Variants in NFATC3 observed in about 807,000 individuals in gnomAD.
NFATC3 encodes the protein nuclear factor of activated T-cells, cytoplasmic 3.
A neutral mutation model predicts 98.6 loss-of-function variants in NFATC3; 46 were observed. The observed-to-expected ratio is 0.47, with a 90% CI of 0.37 to 0.60. The LOEUF is 0.60. NFATC3 is among the 20% of genes least tolerant of loss of function. The probability of loss-of-function intolerance (pLI) is 0.00; values close to 1 mark genes in which losing one functional copy is unlikely to be tolerated. For synonymous variants in NFATC3, 512 were observed against 472.2 expected (o/e 1.08, Z -1.09); for missense variants, 1,256 against 1,295.5 (o/e 0.97, Z 0.47).
At position 68,194,048 on chromosome 16, in the gene NFATC3, C is replaced by T. The variant is rs187276159; in HGVS notation, c.3106+2273C>T. Among the ~76,000 whole-genome samples, 661 of 152,220 alleles carry T rather than the reference C, an allele frequency of 4.3e-3. 6 individuals are homozygous for T. Among genetic ancestry groups the T allele is most frequent in the African/African-American group, 0.015 (606 of 41,524 alleles). ...TAAACTAGAGCAACACCTAAAATTG[C>T]ATAGCATTTTTCTATTTATTATCTA... On this transcript the variant is annotated intron_variant, in intron 9 of 9. Coordinates refer to ENST00000346183, the MANE Select transcript of NFATC3 (RefSeq NM_173165.3).
chr16:68,100,759 T>C (rs2035300130), intron 1 of NFATC3, among the ~76,000 whole-genome samples: 1 of 152,078 alleles, frequency 6.6e-6, no homozygotes, highest in African/African-American at 2.4e-5. Flanking sequence ...TATATTCTTC[T>C]CATGACTAAT....
chr16:68,180,751 G>A (rs373167337), intron 6 of NFATC3, among the ~76,000 whole-genome samples: 2 of 152,080 alleles, frequency 1.3e-5, no homozygotes, highest in Non-Finnish European at 2.9e-5. Context: ...GAGAACATGC[G>A]GTGTTTGGTT....
chr16:68,176,959 G>A (rs1567534865), intron 6 of NFATC3, among the ~76,000 whole-genome samples: 1 of 151,092 alleles, frequency 6.6e-6, no homozygotes, highest in Non-Finnish European at 1.5e-5. Context: ...ATTTGTGGTT[G>A]TAGGACTAGT....
At chr16:68,129,626 C>A (rs1352075525) in intron 3 of NFATC3, among the ~76,000 whole-genome samples, 1 of 150,032 alleles carries the variant, frequency 6.7e-6, no homozygotes, top group Non-Finnish European at 1.5e-5. Context: ...TGTTCTTGAA[C>A]CCTTGGCCTC....
intron 9 of NFATC3, among the ~76,000 whole-genome samples, chr16:68,213,949 T>C (rs374790762): frequency 3.9e-5 from 6 of 152,362 alleles, no homozygotes; most frequent in East Asian, 1.9e-4. Flanking sequence ...TTCAGGAGTT[T>C]ATATTTTTAT....
intron 1 of NFATC3, 73 bp downstream of exon 1, chr16:68,085,857 T>G: frequency 9.0e-6 from 10 of 1,116,248 alleles, no homozygotes; most frequent in Non-Finnish European, 1.2e-5. Flanking sequence ...TCCCTCCCTG[T>G]TCCCTTGGAT....
chr16:68,172,191 G>A (rs552811818), intron 5 of NFATC3, among the ~76,000 whole-genome samples: 13 of 152,230 alleles, frequency 8.5e-5, no homozygotes, highest in South Asian at 8.3e-4. Context: ...TCGGGCTGGC[G>A]TCCCAATTTA....
chr16:68,162,066 T>G (rs559956189), intron 4 of NFATC3, among the ~76,000 whole-genome samples: 1 of 152,320 alleles, frequency 6.6e-6, no homozygotes, highest in African/African-American at 2.4e-5. Context: ...CCACTATGAC[T>G]AGTAACATAC....
At chr16:68,143,953 AACATAATACCAAAAGC>A (rs2037895604) in intron 3 of NFATC3, among the ~76,000 whole-genome samples, 1 of 152,210 alleles carries the variant, frequency 6.6e-6, no homozygotes, top group African/African-American at 2.4e-5. Flanking sequence ...AGATCTCTAG[AACATAATACCAAAAGC>A]ACCATACCTA....
intron 9 of NFATC3, among the ~76,000 whole-genome samples, chr16:68,205,643 T>C (rs1318924841): frequency 6.6e-6 from 1 of 152,200 alleles, no homozygotes; most frequent in Non-Finnish European, 1.5e-5. Context: ...CATTGTCCTC[T>C]GTAGGGAGAA....
At chr16:68,138,377 G>A (rs1219754496) in intron 3 of NFATC3, 1 of 617,254 alleles carries the variant, frequency 1.6e-6, no homozygotes, top group Admixed American at 3.7e-5. Context: ...TATTATTATA[G>A]TTCAAGCTCT....
chr16:68,087,830 A>G (rs1227152441), intron 1 of NFATC3, among the ~76,000 whole-genome samples: 1 of 152,234 alleles, frequency 6.6e-6, no homozygotes, highest in South Asian at 2.1e-4. Flanking sequence ...GGACTACCTC[A>G]TTCCTTTCTA....
At chr16:68,195,010 T>G (rs1338262211) in intron 9 of NFATC3, among the ~76,000 whole-genome samples, 1 of 151,708 alleles carries the variant, frequency 6.6e-6, no homozygotes, top group Non-Finnish European at 1.5e-5. Context: ...CTCAGCACTT[T>G]GGGAGGCTGA....
At chr16:68,105,449 G>A (rs1052993180) in intron 1 of NFATC3, among the ~76,000 whole-genome samples, 1 of 152,042 alleles carries the variant, frequency 6.6e-6, no homozygotes, top group African/African-American at 2.4e-5. Context: ...ATTTTCACAT[G>A]TTGAACCACC....
Position 68,227,921 on chromosome 16 carries a change from T to G in NFATC3, c.*1450T>G, listed in dbSNP as rs1261617592. 6.6e-6 allele frequency: 1 copy of G among 152,146 alleles called. No individual in the cohort carries two copies. The highest frequency in any genetic ancestry group is 1.5e-5 in the Non-Finnish European group (1 of 68,026). 9.4% of individuals were successfully genotyped at this position (152,146 alleles called of 1,614,324 possible). A position where few individuals can be genotyped will look rare whatever the true frequency, so the allele number is the denominator to read the frequency against. On this transcript the variant is annotated 3_prime_UTR_variant, in exon 10 of 10. Transcript: ENST00000346183. ...TTCAAATGAAATAATATACTTCCAT[T>G]GATTCAGGAAGCAGATTTTTTGAGT...
intron 9 of NFATC3, among the ~76,000 whole-genome samples, chr16:68,224,544 G>A (rs1364609016): frequency 6.7e-6 from 1 of 149,604 alleles, no homozygotes; most frequent in African/African-American, 2.5e-5. Context: ...CAGAGTGCTG[G>A]GTTTATAGGC....
intron 1 of NFATC3, among the ~76,000 whole-genome samples, chr16:68,115,969 G>A (rs935351129): frequency 2.0e-5 from 3 of 152,114 alleles, no homozygotes; most frequent in Admixed American, 6.5e-5. Flanking sequence ...ATATACGTAT[G>A]CATTGCACTC....
intron 9 of NFATC3, among the ~76,000 whole-genome samples, chr16:68,195,723 G>T (rs2151123253): frequency 6.6e-6 from 1 of 152,238 alleles, no homozygotes; most frequent in South Asian, 2.1e-4. Context: ...CAGGAGAATG[G>T]CGTGAACCCA....
At chr16:68,137,094 T>A (rs529511059) in intron 3 of NFATC3, among the ~76,000 whole-genome samples, 27 of 152,168 alleles carry the variant, frequency 1.8e-4, no homozygotes, top group Non-Finnish European at 2.6e-4. Flanking sequence ...TTATAAAAAA[T>A]TTTTTTCTTT....
Sources: gnomAD v4.1 joint callset for allele counts (sites outside exome capture counted in the v4.1 genomes callset) on GRCh38, gnomAD v4.1.1 for gene constraint, MANE v1.5 for transcripts, NCBI Gene and HGNC (gene_info 2026-07-23, HGNC 2026-07-21) for gene names.